Variants in MPHOSPH8 observed in about 807,000 individuals in gnomAD.
MPHOSPH8 encodes M-phase phosphoprotein 8.
In MPHOSPH8, 45 loss-of-function variants were observed where a neutral mutation model predicts 87.3. That is an observed-to-expected ratio of 0.52 (90% CI 0.41 to 0.66). The LOEUF (loss-of-function observed/expected upper bound fraction) is 0.66, where lower values mean the gene tolerates loss of function less well. Among genes scored for constraint, MPHOSPH8 ranks in the 30% least tolerant of loss-of-function variants. The probability of loss-of-function intolerance (pLI) is 0.00; values close to 1 mark genes in which losing one functional copy is unlikely to be tolerated. For missense variants in MPHOSPH8, 883 were observed against 1,020.2 expected (o/e 0.87, Z 1.83); for synonymous variants, 366 against 376.9 (o/e 0.97, Z 0.33).
chr13:19,654,240 A>G (rs1415629155), intron 5 of MPHOSPH8, among the ~76,000 whole-genome samples: 1 of 152,174 alleles, frequency 6.6e-6, no homozygotes, highest in Non-Finnish European at 1.5e-5. Flanking sequence ...AACTAAACAC[A>G]CACTACATGT....
At chr13:19,657,337 G>A (rs1875245249) in intron 5 of MPHOSPH8, among the ~76,000 whole-genome samples, 1 of 151,822 alleles carries the variant, frequency 6.6e-6, no homozygotes, top group South Asian at 2.1e-4. Flanking sequence ...CTAACATGGT[G>A]AAACCCCATC....
rs1873839917 is a variant in MPHOSPH8, at chr13:19,633,815, G to C, written c.67G>C (p.Glu23Gln). ...TGTGTCAGCTGCCGACAGCACTGAG[G>C]AGTTGGCCGAAGTCGAAGAAGGAGT... ...VPVSAADSTE[E>Q]LAEVEEGVGV... The change falls in exon 1 of 14, where the codon GAG becomes CAG. Residue 23 changes from glutamate to glutamine, a missense_variant. This residue lies in a region of MPHOSPH8 where 103 missense variants were observed against 96.3 expected (regional missense o/e 1.07). Coordinates refer to ENST00000361479, the MANE Select transcript of MPHOSPH8 (RefSeq NM_017520.4). 1 of 1,610,210 alleles carries C rather than the reference G, an allele frequency of 6.2e-7. No individual in the cohort carries two copies. Among genetic ancestry groups the C allele is most frequent in the Non-Finnish European group, 8.5e-7 (1 of 1,178,608 alleles).
At chr13:19,664,782 T>C (rs1031779082) in intron 9 of MPHOSPH8, among the ~76,000 whole-genome samples, 7 of 151,474 alleles carry the variant, frequency 4.6e-5, no homozygotes, top group African/African-American at 1.7e-4. Context: ...AGATGTCACC[T>C]CTGTACATTT....
At chr13:19,654,286 C>T (rs929693654) in intron 5 of MPHOSPH8, among the ~76,000 whole-genome samples, 4 of 152,146 alleles carry the variant, frequency 2.6e-5, no homozygotes, top group African/African-American at 9.7e-5. Context: ...AAGGAGAACA[C>T]ATGGACCCAG....
intron 1 of MPHOSPH8, 70 bp downstream of exon 1, chr13:19,634,031 A>C (rs1873858574): frequency 2.7e-6 from 4 of 1,500,966 alleles, no homozygotes; most frequent in Non-Finnish European, 3.6e-6. Flanking sequence ...CGCGAGCTGG[A>C]AACAGCACGG....
intron 1 of MPHOSPH8, among the ~76,000 whole-genome samples, chr13:19,638,280 T>A (rs1874108023): frequency 6.6e-6 from 1 of 152,068 alleles, no homozygotes; most frequent in Non-Finnish European, 1.5e-5. Context: ...TCTTAACTAT[T>A]ATTTTAAAAT....
chr13:19,642,025 C>A, intron 1 of MPHOSPH8, 90 bp from the exon 2 acceptor site: 1 of 1,104,692 alleles, frequency 9.1e-7, no homozygotes, highest in Non-Finnish European at 1.2e-6. Context: ...CAAGTTCTTT[C>A]ATGTCTTCTC....
chr13:19,650,045 C>T lies in MPHOSPH8; in HGVS notation c.1361C>T (p.Thr454Ile). 6.2e-7 allele frequency: 1 copy of T among 1,605,642 alleles called. No homozygotes were observed. Among genetic ancestry groups the T allele is most frequent in the Non-Finnish European group, 8.5e-7 (1 of 1,176,000 alleles). ...IRNAFDLFKL[T>I]PEEKNDVSEN... Reference sequence around the variant, plus strand: ...AATGCATTTGATTTATTTAAATTAACTCCAGAAGAAAAAAATGATGTTTCT... The same window carrying T: ...AATGCATTTGATTTATTTAAATTAATTCCAGAAGAAAAAAATGATGTTTCT... Residue 454 changes from threonine to isoleucine, a missense_variant, in exon 5 of 14, where the codon ACT (threonine) becomes ATT (isoleucine). Physicochemically the swap from Thr to Ile is moderately conservative, Grantham distance 89 (BLOSUM62 -1). Coordinates refer to ENST00000361479, the MANE Select transcript of MPHOSPH8 (RefSeq NM_017520.4).
At chr13:19,634,127 A>C (rs192088923) in intron 1 of MPHOSPH8, among the ~76,000 whole-genome samples, 166 bp downstream of exon 1, 1 of 152,346 alleles carries the variant, frequency 6.6e-6, no homozygotes, top group East Asian at 1.9e-4. Flanking sequence ...GACATTTCCA[A>C]CTGCACTCTT....
At chr13:19,670,942 CCTAA>C (rs745766523) in intron 12 of MPHOSPH8, 1 of 986,422 alleles carries the variant, frequency 1.0e-6, no homozygotes, top group South Asian at 1.4e-5. Flanking sequence ...ACCTCAGCCT[CCTAA>C]CTACCTGGGA....
intron 7 of MPHOSPH8, among the ~76,000 whole-genome samples, chr13:19,661,493 T>C (rs572639397): frequency 6.6e-6 from 1 of 152,316 alleles, no homozygotes; most frequent in African/African-American, 2.4e-5. Context: ...AGTTGTAAAA[T>C]TTTATGCAAA....
At chr13:19,642,311 T>C in intron 2 of MPHOSPH8, 41 bp downstream of exon 2, 1 of 1,473,182 alleles carries the variant, frequency 6.8e-7, no homozygotes, top group Non-Finnish European at 9.1e-7. Context: ...CATACATAAA[T>C]TTATTGTAAA....
intron 3 of MPHOSPH8, among the ~76,000 whole-genome samples, chr13:19,648,071 G>A (rs1874660674): frequency 6.6e-6 from 1 of 151,848 alleles, no homozygotes; most frequent in South Asian, 2.1e-4. Context: ...CCATGTAAAA[G>A]TACGAGGACC....
chr13:19,660,436 A>G (rs1370473064), intron 7 of MPHOSPH8, among the ~76,000 whole-genome samples: 2 of 151,954 alleles, frequency 1.3e-5, no homozygotes, highest in Admixed American at 6.6e-5. Flanking sequence ...ATATTTTTAT[A>G]TTCTTTAGTT....
At chr13:19,636,030 T>A (rs1873989403) in intron 1 of MPHOSPH8, among the ~76,000 whole-genome samples, 1 of 152,188 alleles carries the variant, frequency 6.6e-6, no homozygotes, top group African/African-American at 2.4e-5. Flanking sequence ...TCCGCCATGA[T>A]TATAAGTTTC....
chr13:19,650,687 A>G (rs1874795946), intron 5 of MPHOSPH8, among the ~76,000 whole-genome samples: 1 of 152,222 alleles, frequency 6.6e-6, no homozygotes, highest in South Asian at 2.1e-4. Context: ...CTGGTCAAGA[A>G]GAAGAATACA....
At position 19,647,256 on chromosome 13, in the gene MPHOSPH8, G is replaced by C; in HGVS notation, c.1183G>C (p.Glu395Gln). ...AAAGGGCCGGAGGTTGAGCGGGGAA[G>C]AGAGAGGCCTCTGGTCCACGGACTC... ...TPKGRRLSGEERGLWSTDSAE... is the reference protein window; with the variant it reads ...TPKGRRLSGEQRGLWSTDSAE... Residue 395 changes from glutamate to glutamine, a missense_variant, in exon 3 of 14, where the codon GAG (glutamate) becomes CAG (glutamine). By Grantham distance (29) the Glu-to-Gln change is conservative (BLOSUM62 2). Transcript: ENST00000361479. The C allele has an allele frequency of 1.9e-6, 3 of 1,610,318 alleles. No individual in the cohort carries two copies. The highest frequency in any genetic ancestry group is 2.5e-6 in the Non-Finnish European group (3 of 1,178,974).
intron 8 of MPHOSPH8, among the ~76,000 whole-genome samples, chr13:19,662,189 T>C (rs1875576179): frequency 6.6e-6 from 1 of 152,220 alleles, no homozygotes; most frequent in Non-Finnish European, 1.5e-5. Flanking sequence ...TCTGCCTGCC[T>C]TGGCCTCCCA....
At chr13:19,663,668 G>A (rs534464827) in intron 9 of MPHOSPH8, among the ~76,000 whole-genome samples, 4 of 152,294 alleles carry the variant, frequency 2.6e-5, no homozygotes, top group African/African-American at 9.6e-5. Flanking sequence ...GTCTTAGGGG[G>A]CCCTGCCAGG....
Sources: gnomAD v4.1 joint callset for allele counts (sites outside exome capture counted in the v4.1 genomes callset) on GRCh38, gnomAD v4.1.1 for gene constraint, gnomAD v4.1.1 regional missense constraint, MANE v1.5 for transcripts, NCBI Gene and HGNC (gene_info 2026-07-23, HGNC 2026-07-21) for gene names.